Variants in BRCC3 observed in about 807,000 individuals in gnomAD.
BRCC3 encodes BRCA1/BRCA2-containing complex subunit 3.
BRCC3 carries 15 observed loss-of-function variants against 28.0 expected under a neutral mutation model. The observed-to-expected ratio is 0.54, with a 90% CI of 0.36 to 0.82. BRCC3 has a LOEUF of 0.82. BRCC3 is among the 40% of genes least tolerant of loss of function. The pLI is 0.01. For synonymous variants in BRCC3, 66 were observed against 80.3 expected (o/e 0.82, Z 0.95); for missense variants, 109 against 225.9 (o/e 0.48, Z 3.32).
At chrX:155,086,130 C>T (rs1557294827) in intron 5 of BRCC3, among the ~76,000 whole-genome samples, 1 of 111,375 alleles carries the variant, frequency 9.0e-6, no homozygotes, top group East Asian at 2.8e-4. Flanking sequence ...TCTGTGGTCA[C>T]AGCTGTCTGT....
At chrX:155,115,070 T>A (rs1360506017) in intron 7 of BRCC3, among the ~76,000 whole-genome samples, 4 of 112,202 alleles carry the variant, frequency 3.6e-5, no homozygotes, top group African/African-American at 1.3e-4. Flanking sequence ...TGGGGTGACA[T>A]CTTTAATGTG....
rs2074394940 is a variant in BRCC3, at chrX:155,122,699, T to TG, written c.*1496dup. 1 of 111,444 alleles carries TG rather than the reference T, an allele frequency of 9.0e-6. No homozygotes were observed. Among genetic ancestry groups the TG allele is most frequent in the African/African-American group, 3.3e-5 (1 of 30,607 alleles). The allele number at this position is 111,444 out of a possible 1,213,427, so 9.2% of individuals were successfully genotyped here. On this transcript the variant is annotated 3_prime_UTR_variant, in exon 11 of 11. Coordinates refer to ENST00000330045, the MANE Select transcript of BRCC3 (RefSeq NM_001018055.3). ...CTAACTGTTGATACAAGAACTTGGTTGTACCTCAGGGGTATTATGGTGAAC... is the reference window on the plus strand; with the variant it reads ...CTAACTGTTGATACAAGAACTTGGTTGGTACCTCAGGGGTATTATGGTGAAC...
At chrX:155,099,191 T>G in intron 7 of BRCC3, 1 of 757,177 alleles carries the variant, frequency 1.3e-6, no homozygotes. Flanking sequence ...AAATGTTTTT[T>G]TTTTTTTTTT....
At chrX:155,080,875 C>G (rs782635842) in intron 5 of BRCC3, among the ~76,000 whole-genome samples, 8 of 112,213 alleles carry the variant, frequency 7.1e-5, no homozygotes, top group Admixed American at 2.8e-4. Flanking sequence ...AGCTGTTCAC[C>G]TATAAAATGA....
intron 3 of BRCC3, among the ~76,000 whole-genome samples, chrX:155,075,277 TAA>T (rs1557293343): frequency 2.8e-4 from 14 of 50,509 alleles, no homozygotes; most frequent in Non-Finnish European, 1.8e-4. Flanking sequence ...CTGATAATGC[TAA>T]GCCCACTCTT....
At chrX:155,110,639 C>G (rs2074315627) in intron 7 of BRCC3, among the ~76,000 whole-genome samples, 1 of 110,347 alleles carries the variant, frequency 9.1e-6, no homozygotes, top group Non-Finnish European at 1.9e-5. Flanking sequence ...ATAAATGTCC[C>G]TTTAAGCACT....
chrX:155,074,572 C>T (rs1430132247), intron 3 of BRCC3, among the ~76,000 whole-genome samples: 4 of 111,851 alleles, frequency 3.6e-5, no homozygotes, highest in African/African-American at 1.3e-4. Context: ...ACTCATTCCT[C>T]TTAGGCACTG....
intron 6 of BRCC3, among the ~76,000 whole-genome samples, chrX:155,089,697 T>C (rs1418269561): frequency 1.8e-5 from 2 of 111,885 alleles, no homozygotes; most frequent in African/African-American, 6.5e-5. Context: ...TACCCTATTA[T>C]CCTAGTGACC....
chrX:155,120,289 A>T (rs2074381564), intron 10 of BRCC3, 121 bp downstream of exon 10: 2 of 542,957 alleles, frequency 3.7e-6, no homozygotes, highest in Admixed American at 6.5e-5. Flanking sequence ...TGTCTTCCTG[A>T]CAGTTTAATT....
chrX:155,092,267 C>A (rs2074179913), intron 7 of BRCC3, among the ~76,000 whole-genome samples: 1 of 111,761 alleles, frequency 8.9e-6, no homozygotes, highest in Non-Finnish European at 1.9e-5. Context: ...CTGTTGGTTA[C>A]TTTTCTAATC....
At chrX:155,094,062 T>G (rs1374519435) in intron 7 of BRCC3, among the ~76,000 whole-genome samples, 4 of 111,837 alleles carry the variant, frequency 3.6e-5, no homozygotes, top group African/African-American at 1.3e-4. Flanking sequence ...AATTTTTTTT[T>G]GTTTAATTTT....
chrX:155,115,998 G>A (rs1417444879), intron 7 of BRCC3, 59 bp from the exon 8 acceptor site: 1 of 1,123,552 alleles, frequency 8.9e-7, no homozygotes, highest in Non-Finnish European at 1.2e-6. Context: ...AAACTGTAGA[G>A]AACTTCTGAT....
chrX:155,081,823 C>T (rs2074087516), intron 5 of BRCC3, among the ~76,000 whole-genome samples: 1 of 111,486 alleles, frequency 9.0e-6, no homozygotes, highest in South Asian at 3.8e-4. Context: ...AACGATTCTT[C>T]AGGAAATTTA....
chrX:155,105,254 G>A (rs781921706), intron 7 of BRCC3, among the ~76,000 whole-genome samples: 20 of 111,634 alleles, frequency 1.8e-4, no homozygotes, highest in South Asian at 3.8e-4. Flanking sequence ...AGGCCGAGGC[G>A]CGTGGATCAC....
chrX:155,086,801 G>A (rs1328199765), intron 5 of BRCC3, among the ~76,000 whole-genome samples: 1 of 111,872 alleles, frequency 8.9e-6, no homozygotes, highest in Non-Finnish European at 1.9e-5. Context: ...ATAGCTGATC[G>A]TCAAAAACAT....
At chrX:155,113,708 T>C (rs2074336800) in intron 7 of BRCC3, among the ~76,000 whole-genome samples, 1 of 111,447 alleles carries the variant, frequency 9.0e-6, no homozygotes, top group Non-Finnish European at 1.9e-5. Context: ...AAAGGCAACC[T>C]ATGGAATGGG....
rs896685955 is a variant in BRCC3, at chrX:155,077,427, C to T, written c.315+138C>T. 21 of 544,208 alleles carry T rather than the reference C, an allele frequency of 3.9e-5. No homozygotes were observed. In the African/African-American group the frequency reaches 4.3e-4, roughly 11 times the overall value. 44.8% of individuals were successfully genotyped at this position (544,208 alleles called of 1,213,427 possible). On this transcript the variant is annotated intron_variant, in intron 4 of 10. Coordinates refer to ENST00000330045, the MANE Select transcript of BRCC3 (RefSeq NM_001018055.3). The stretch of plus-strand genomic sequence containing the variant: ...TCCAATTGTTTGGTTTTTAGAATTT[C>T]TCTCTATTTCTCCTTTTGAGTGGCT...
chrX:155,073,268 C>G lies in BRCC3; in HGVS notation c.141-109C>G, dbSNP rs1557292874. 3.3e-6 allele frequency: 3 copies of G among 898,827 alleles called. No individual in the cohort carries two copies. The East Asian group carries it at 1.0e-4, about 31-fold the overall frequency. The allele number at this position is 898,827 out of a possible 1,213,427, so 74.1% of individuals were successfully genotyped here. A position where few individuals can be genotyped will look rare whatever the true frequency, so the allele number is the denominator to read the frequency against. On this transcript the variant is annotated intron_variant, in intron 2 of 10. Coordinates refer to ENST00000330045, the MANE Select transcript of BRCC3 (RefSeq NM_001018055.3). ...TTCAGTTTCCCTCCTCTTCTTTGGT[C>G]TCTGCTAAGATTTCATTGCAAAAAC... is the stretch of plus-strand genomic sequence containing the variant.
intron 7 of BRCC3, among the ~76,000 whole-genome samples, chrX:155,111,891 A>G (rs2074324363): frequency 8.9e-6 from 1 of 111,991 alleles, no homozygotes; most frequent in Admixed American, 9.4e-5. Flanking sequence ...ATATGTTCCA[A>G]GAACCCCAGT....
Sources: allele counts gnomAD v4.1 joint callset (sites outside exome capture counted in the v4.1 genomes callset), GRCh38; gene constraint gnomAD v4.1.1; transcripts MANE v1.5; gene names NCBI Gene and HGNC (gene_info 2026-07-23, HGNC 2026-07-21).